MAPKAP1: variants seen among roughly 807,000 people sequenced by gnomAD.
The protein encoded by MAPKAP1 is MAPK associated protein 1.
A neutral mutation model predicts 65.7 loss-of-function variants in MAPKAP1; 20 were observed. The observed-to-expected ratio is 0.30, with a 90% CI of 0.21 to 0.44. The LOEUF is 0.44. Ranked by LOEUF, MAPKAP1 falls within the 20% of genes least tolerant of loss-of-function variation. The probability of loss-of-function intolerance (pLI) is 1.00; values close to 1 mark genes in which losing one functional copy is unlikely to be tolerated. For missense variants in MAPKAP1, 423 were observed against 648.0 expected (o/e 0.65, Z 3.77); for synonymous variants, 222 against 244.3 (o/e 0.91, Z 0.85).
intron 7 of MAPKAP1, among the ~76,000 whole-genome samples, chr9:125,535,370 T>C (rs1381832786): frequency 6.6e-6 from 1 of 152,226 alleles, no homozygotes; most frequent in Non-Finnish European, 1.5e-5. Flanking sequence ...GTAGCTTATA[T>C]ACATCTGCTT....
At chr9:125,621,234 T>C (rs1276323829) in intron 4 of MAPKAP1, among the ~76,000 whole-genome samples, 1 of 151,870 alleles carries the variant, frequency 6.6e-6, no homozygotes, top group African/African-American at 2.4e-5. Context: ...ATCATGCCAC[T>C]GCACTCCAGC....
chr9:125,458,740 C>G (rs1853306535), intron 10 of MAPKAP1, among the ~76,000 whole-genome samples: 1 of 149,364 alleles, frequency 6.7e-6, no homozygotes, highest in South Asian at 2.2e-4. Context: ...GGTACACCTC[C>G]CAGATGGTGT....
chr9:125,466,800 GT>G (rs771794298), intron 10 of MAPKAP1, among the ~76,000 whole-genome samples: 5 of 152,244 alleles, frequency 3.3e-5, no homozygotes, highest in African/African-American at 7.2e-5. Flanking sequence ...TTGCCAAGCT[GT>G]AGGCGAATGA....
intron 7 of MAPKAP1, among the ~76,000 whole-genome samples, chr9:125,536,723 C>T (rs1830085246): frequency 6.6e-6 from 1 of 152,166 alleles, no homozygotes; most frequent in Non-Finnish European, 1.5e-5. Context: ...GTACCAATTG[C>T]ATGTGAAGTA....
chr9:125,644,526 C>G (rs1373647639), intron 4 of MAPKAP1, among the ~76,000 whole-genome samples: 2 of 152,212 alleles, frequency 1.3e-5, no homozygotes, highest in Non-Finnish European at 2.9e-5. Flanking sequence ...CCTATACATC[C>G]TTTTCCATAG....
intron 11 of MAPKAP1, among the ~76,000 whole-genome samples, chr9:125,442,773 T>C (rs1450928872): frequency 1.3e-5 from 2 of 152,198 alleles, no homozygotes; most frequent in Admixed American, 6.5e-5. Flanking sequence ...ATCATGCTAC[T>C]CTGTCTGCTC....
chr9:125,696,487 A>C (rs1285287010), intron 1 of MAPKAP1: 1 of 152,160 alleles, frequency 6.6e-6, no homozygotes, highest in East Asian at 1.9e-4. Context: ...CAAAACAAAA[A>C]AATCAGACCT....
At chr9:125,698,302 T>TATATATAAA (rs1835476346) in intron 1 of MAPKAP1, among the ~76,000 whole-genome samples, 16 of 21,856 alleles carry the variant, frequency 7.3e-4, no homozygotes, top group African/African-American at 2.5e-3. Flanking sequence ...TATATATATA[T>TATATATAAA]ATATATATAT....
At chr9:125,535,798 A>C (rs1197373368) in intron 7 of MAPKAP1, among the ~76,000 whole-genome samples, 1 of 152,332 alleles carries the variant, frequency 6.6e-6, no homozygotes, top group Non-Finnish European at 1.5e-5. Flanking sequence ...GCGGTGCTCT[A>C]GAATCAGACC....
At chr9:125,449,834 T>C (rs992461015) in intron 10 of MAPKAP1, among the ~76,000 whole-genome samples, 113 of 152,316 alleles carry the variant, frequency 7.4e-4, no homozygotes, top group African/African-American at 2.6e-3. Flanking sequence ...TAAACATACA[T>C]GAACAGCACT....
At chr9:125,639,565 A>G (rs546756579) in intron 4 of MAPKAP1, among the ~76,000 whole-genome samples, 1 of 152,280 alleles carries the variant, frequency 6.6e-6, no homozygotes, top group South Asian at 2.1e-4. Context: ...CCTACTGAAC[A>G]CTATGCTGGG....
chr9:125,475,960 C>T lies in MAPKAP1; in HGVS notation c.1208-7851G>A, dbSNP rs184777679. 8.5e-4 allele frequency among the ~76,000 whole-genome samples: 129 copies of T among 152,204 alleles called. 1 individual carries two copies. The highest frequency in any genetic ancestry group is 1.4e-3 in the Admixed American group (22 of 15,284). ...TCTGGATGAACGCTCATGAATCCGACTCCCATTAATTCCATCATGCCAGTG... is the reference window on the plus strand; with the variant it reads ...TCTGGATGAACGCTCATGAATCCGATTCCCATTAATTCCATCATGCCAGTG... On this transcript the variant is annotated intron_variant, in intron 9 of 11. Transcript: ENST00000265960.
intron 7 of MAPKAP1, among the ~76,000 whole-genome samples, chr9:125,513,890 C>G (rs1271633282): frequency 6.6e-6 from 1 of 152,166 alleles, no homozygotes; most frequent in Non-Finnish European, 1.5e-5. Flanking sequence ...TTTTAAGCTG[C>G]AGACGGCATT....
At position 125,652,101 on chromosome 9, in the gene MAPKAP1, A is replaced by G. The variant is rs750690181; in HGVS notation, c.498+5550T>C. The G allele has an allele frequency of 1.2e-5, 15 of 1,263,078 alleles. No individual in the cohort carries two copies. The South Asian group carries it at 1.9e-4, about 16-fold the overall frequency. 78.2% of individuals were successfully genotyped at this position (1,263,078 alleles called of 1,614,324 possible). A position where few individuals can be genotyped will look rare whatever the true frequency, so the allele number is the denominator to read the frequency against. On this transcript the variant is annotated intron_variant, in intron 4 of 11. Coordinates refer to ENST00000265960, the MANE Select transcript of MAPKAP1 (RefSeq NM_001006617.3). ...TAAGGGCAATTTTTCTTTTTACGTG[A>G]TTTCAATTCGCTGACCTTTTCTGAG...
At chr9:125,671,573 T>C (rs942983696) in intron 2 of MAPKAP1, among the ~76,000 whole-genome samples, 9 of 152,150 alleles carry the variant, frequency 5.9e-5, no homozygotes, top group Non-Finnish European at 1.3e-4. Context: ...ATATGTATTC[T>C]AAATAATTTG....
chr9:125,598,064 G>A (rs1479029989), intron 4 of MAPKAP1, among the ~76,000 whole-genome samples: 12 of 148,352 alleles, frequency 8.1e-5, no homozygotes, highest in African/African-American at 1.7e-4. Context: ...AAAGAGGGTC[G>A]ACATGAGAAA....
intron 8 of MAPKAP1, among the ~76,000 whole-genome samples, chr9:125,499,753 G>A (rs1196544657): frequency 1.3e-5 from 2 of 152,002 alleles, no homozygotes; most frequent in Non-Finnish European, 2.9e-5. Flanking sequence ...GGTTCACTCC[G>A]GTAATCCCAG....
chr9:125,621,059 C>T (rs577998913), intron 4 of MAPKAP1, among the ~76,000 whole-genome samples: 1 of 151,948 alleles, frequency 6.6e-6, no homozygotes, highest in East Asian at 1.9e-4. Context: ...ACTGGTTGAG[C>T]GCAGGAGTTT....
intron 1 of MAPKAP1, among the ~76,000 whole-genome samples, chr9:125,687,751 T>A (rs1057041240): frequency 8.5e-5 from 13 of 152,050 alleles, no homozygotes; most frequent in Non-Finnish European, 1.9e-4. Flanking sequence ...GCCACTGTAC[T>A]TCAGCCTGGG....
Sources: allele counts gnomAD v4.1 joint callset (sites outside exome capture counted in the v4.1 genomes callset), GRCh38; gene constraint gnomAD v4.1.1; transcripts MANE v1.5; gene names NCBI Gene and HGNC (gene_info 2026-07-23, HGNC 2026-07-21).